RBFOX1: variants seen among roughly 807,000 people sequenced by gnomAD.
RBFOX1 encodes RNA binding protein fox-1 homolog 1.
RBFOX1 carries 8 observed loss-of-function variants against 57.7 expected under a neutral mutation model. That is an observed-to-expected ratio of 0.14 (90% CI 0.08 to 0.25). RBFOX1 has a LOEUF of 0.25. Among genes scored for constraint, RBFOX1 ranks in the 10% least tolerant of loss-of-function variants. The pLI, the probability that RBFOX1 is intolerant of heterozygous loss-of-function variation, is 1.00. For synonymous variants in RBFOX1, 326 were observed against 222.4 expected (o/e 1.47, Z -4.15); for missense variants, 611 against 548.5 (o/e 1.11, Z -1.14).
At chr16:5,314,967 C>T (rs1383900973) in intron 1 of RBFOX1, among the ~76,000 whole-genome samples, 4 of 151,886 alleles carry the variant, frequency 2.6e-5, no homozygotes, top group African/African-American at 9.7e-5. Context: ...AGTGAAAGTG[C>T]CCGAGGACCA....
intron 3 of RBFOX1, among the ~76,000 whole-genome samples, chr16:5,834,103 T>C (rs142795682): frequency 3.0e-4 from 45 of 152,354 alleles, no homozygotes; most frequent in Middle Eastern, 3.4e-3. Flanking sequence ...GTCTGTGAAT[T>C]CTGCTTATTT....
chr16:7,335,758 C>T (rs994208122), intron 4 of RBFOX1, among the ~76,000 whole-genome samples: 2 of 152,166 alleles, frequency 1.3e-5, no homozygotes, highest in Admixed American at 1.3e-4. Context: ...TGATAGTTAT[C>T]ATCTGCCCTA....
intron 4 of RBFOX1, among the ~76,000 whole-genome samples, chr16:7,210,710 G>A (rs1047772435): frequency 1.3e-5 from 2 of 152,054 alleles, no homozygotes; most frequent in South Asian, 2.1e-4. Context: ...CAACATTGTT[G>A]CTCCAATTAT....
intron 4 of RBFOX1, among the ~76,000 whole-genome samples, chr16:7,263,518 G>T (rs1264549619): frequency 6.6e-6 from 1 of 152,102 alleles, no homozygotes; most frequent in Non-Finnish European, 1.5e-5. Context: ...CTACAGTATT[G>T]TAGTTCCTTA....
intron 3 of RBFOX1, among the ~76,000 whole-genome samples, chr16:6,891,958 G>T (rs977511492): frequency 4.6e-5 from 7 of 152,132 alleles, no homozygotes; most frequent in African/African-American, 1.7e-4. Context: ...GTGGCTGGTT[G>T]TATTAACATT....
At chr16:7,435,953 G>T (rs570053999) in intron 4 of RBFOX1, among the ~76,000 whole-genome samples, 1 of 152,292 alleles carries the variant, frequency 6.6e-6, no homozygotes, top group Admixed American at 6.5e-5. Context: ...ACTGCAGCAC[G>T]TCATTCCTTT....
chr16:7,509,763 C>A (rs944213164), intron 4 of RBFOX1, among the ~76,000 whole-genome samples: 1 of 152,052 alleles, frequency 6.6e-6, no homozygotes, highest in East Asian at 1.9e-4. Flanking sequence ...TTTTTTCATC[C>A]ATCCTCTGTC....
intron 1 of RBFOX1, among the ~76,000 whole-genome samples, chr16:6,108,259 C>G (rs139212350): frequency 6.6e-6 from 1 of 151,988 alleles, no homozygotes; most frequent in Non-Finnish European, 1.5e-5. Context: ...GGTAGTGTAG[C>G]AGAGTGGTTA....
chr16:6,928,225 A>T (rs891477344), intron 3 of RBFOX1, among the ~76,000 whole-genome samples: 26 of 152,152 alleles, frequency 1.7e-4, no homozygotes, highest in African/African-American at 5.8e-4. Context: ...GCCCCCGAAG[A>T]TTCTGATTTA....
intron 3 of RBFOX1, among the ~76,000 whole-genome samples, chr16:6,908,598 C>T (rs2070718489): frequency 6.6e-6 from 1 of 152,190 alleles, no homozygotes; most frequent in South Asian, 2.1e-4. Flanking sequence ...CAGTGCTGAA[C>T]CCCCGTGATT....
chr16:7,575,108 C>A (rs1041885563), intron 5 of RBFOX1, among the ~76,000 whole-genome samples: 3 of 152,034 alleles, frequency 2.0e-5, no homozygotes, highest in Non-Finnish European at 4.4e-5. Context: ...AACACAAAAT[C>A]CTCCTGGATT....
intron 4 of RBFOX1, chr16:7,422,986 C>T (rs941677653): frequency 6.6e-6 from 1 of 152,286 alleles, no homozygotes; most frequent in African/African-American, 2.4e-5. Context: ...TTTACACTGA[C>T]ACCTGGCCAC....
intron 3 of RBFOX1, among the ~76,000 whole-genome samples, chr16:7,048,089 G>T (rs369210363): frequency 6.6e-6 from 1 of 152,142 alleles, no homozygotes; most frequent in East Asian, 1.9e-4. Flanking sequence ...ATGTTGGCCA[G>T]GCTGGTCTCA....
intron 2 of RBFOX1, among the ~76,000 whole-genome samples, chr16:5,547,028 T>G (rs990121139): frequency 3.3e-5 from 5 of 152,134 alleles, no homozygotes; most frequent in African/African-American, 1.2e-4. Context: ...ATTAGGGAAA[T>G]ACAAGTTAAG....
chr16:7,433,757 T>C (rs1454612689), intron 4 of RBFOX1, among the ~76,000 whole-genome samples: 3 of 152,134 alleles, frequency 2.0e-5, no homozygotes, highest in African/African-American at 4.8e-5. Context: ...CATCTAATTA[T>C]CCAGTCATCT....
intron 1 of RBFOX1, among the ~76,000 whole-genome samples, chr16:6,227,325 G>C (rs932166283): frequency 6.6e-6 from 1 of 152,150 alleles, no homozygotes; most frequent in Non-Finnish European, 1.5e-5. Context: ...AAGTTCTCAT[G>C]TGTTGCCGGT....
intron 4 of RBFOX1, among the ~76,000 whole-genome samples, chr16:7,445,592 C>T (rs1166034418): frequency 2.6e-5 from 4 of 152,202 alleles, no homozygotes; most frequent in Non-Finnish European, 5.9e-5. Context: ...GCCCAGAAAA[C>T]TCATTGCCAT....
intron 2 of RBFOX1, among the ~76,000 whole-genome samples, chr16:6,426,662 G>T (rs2093938079): frequency 6.6e-6 from 1 of 152,100 alleles, no homozygotes; most frequent in African/African-American, 2.4e-5. Flanking sequence ...CCTTCTCACA[G>T]GCACACCTCA....
chr16:6,598,086 C>T (rs1479992755), intron 2 of RBFOX1, among the ~76,000 whole-genome samples: 1 of 152,212 alleles, frequency 6.6e-6, no homozygotes, highest in Non-Finnish European at 1.5e-5. Context: ...GTACTTGTGG[C>T]AGAAGGCATC....
Sources: allele counts gnomAD v4.1 joint callset (sites outside exome capture counted in the v4.1 genomes callset), GRCh38; gene constraint gnomAD v4.1.1; transcripts MANE v1.5; gene names NCBI Gene and HGNC (gene_info 2026-07-23, HGNC 2026-07-21).